The following PTPRD variants were observed in gnomAD, a reference collection of about 807,000 sequenced individuals.
The protein encoded by PTPRD is protein tyrosine phosphatase receptor type D, also known as receptor-type tyrosine-protein phosphatase delta.
A neutral mutation model predicts 214.5 loss-of-function variants in PTPRD; 34 were observed. The ratio of observed to expected loss-of-function variants is 0.16; its 90% CI spans 0.12 to 0.21. The LOEUF (loss-of-function observed/expected upper bound fraction) is 0.21, where lower values mean the gene tolerates loss of function less well. Among genes scored for constraint, PTPRD ranks in the 10% least tolerant of loss-of-function variants. The probability of loss-of-function intolerance (pLI) is 1.00; values close to 1 mark genes in which losing one functional copy is unlikely to be tolerated. For synonymous variants in PTPRD, 1,128 were observed against 845.7 expected, an observed-to-expected ratio of 1.33 and a Z score of -5.79; for missense variants, 2,545 against 2,398.7, an observed-to-expected ratio of 1.06 and a Z score of -1.27.
chr9:9,563,184 G>A (rs1375377775), intron 8 of PTPRD, among the ~76,000 whole-genome samples: 1 of 152,130 alleles, frequency 6.6e-6, no homozygotes, highest in Non-Finnish European at 1.5e-5. Flanking sequence ...GCAAGGGGTG[G>A]TCAAGATATA....
chr9:8,712,339 T>C (rs1284201572), intron 12 of PTPRD, among the ~76,000 whole-genome samples: 1 of 152,236 alleles, frequency 6.6e-6, no homozygotes, highest in African/African-American at 2.4e-5. Flanking sequence ...ATATTTAGCT[T>C]ACTGTTTATC....
chr9:9,940,262 G>C (rs763242506), intron 4 of PTPRD, among the ~76,000 whole-genome samples: 4 of 152,038 alleles, frequency 2.6e-5, no homozygotes, highest in Non-Finnish European at 5.9e-5. Context: ...ACAGATGGAA[G>C]TCTGAGGATA....
At chr9:10,505,368 C>T (rs2045569128) in intron 2 of PTPRD, among the ~76,000 whole-genome samples, 1 of 152,128 alleles carries the variant, frequency 6.6e-6, no homozygotes, top group African/African-American at 2.4e-5. Context: ...CATGAAAGAG[C>T]TGCATAAAAC....
intron 9 of PTPRD, among the ~76,000 whole-genome samples, chr9:9,286,524 T>C (rs1949421071): frequency 6.6e-6 from 1 of 151,796 alleles, no homozygotes; most frequent in Non-Finnish European, 1.5e-5. Flanking sequence ...TTGAACACAT[T>C]ACTTCCTTTG....
intron 3 of PTPRD, among the ~76,000 whole-genome samples, chr9:10,097,839 A>T (rs1459635832): frequency 1.3e-5 from 2 of 151,820 alleles, no homozygotes; most frequent in Non-Finnish European, 2.9e-5. Context: ...GAATGCTTCC[A>T]GCTTTTGTCC....
intron 3 of PTPRD, among the ~76,000 whole-genome samples, chr9:10,081,387 G>A (rs10116268): frequency 0.44 from 66,993 of 151,856 alleles, 16,587 homozygotes; most frequent in African/African-American, 0.68. Context: ...CTCCAATTTT[G>A]TATGTTGATA....
rs373371003 is a variant in PTPRD at position 8,554,304 on chromosome 9, T to A, written c.353-25525A>T. ...CTGAGTTATGAGGAAGAGAAATAAA[T>A]CTGATATTGCTAGAAATAGAAAAAA... is the stretch of plus-strand genomic sequence containing the variant. On this transcript the variant is annotated intron_variant, in intron 14 of 45. Coordinates refer to ENST00000381196, the MANE Select transcript of PTPRD (RefSeq NM_002839.4). Among the ~76,000 whole-genome samples the A allele has an allele frequency of 2.8e-4, 43 of 152,274 alleles. No homozygotes were observed. In the South Asian group the frequency reaches 8.3e-3, roughly 29 times the overall value.
intron 11 of PTPRD, among the ~76,000 whole-genome samples, chr9:8,894,673 C>T (rs889779985): frequency 2.0e-5 from 3 of 152,018 alleles, no homozygotes; most frequent in African/African-American, 4.8e-5. Flanking sequence ...GTAAACTGAA[C>T]GTATGCTATA....
intron 10 of PTPRD, among the ~76,000 whole-genome samples, chr9:9,162,874 G>A (rs929149550): frequency 6.6e-6 from 1 of 151,952 alleles, no homozygotes; most frequent in Non-Finnish European, 1.5e-5. Flanking sequence ...GGTTATCCAA[G>A]CTTACATGTT....
intron 11 of PTPRD, among the ~76,000 whole-genome samples, chr9:8,754,242 G>A (rs950534265): frequency 6.6e-6 from 1 of 152,128 alleles, no homozygotes; most frequent in African/African-American, 2.4e-5. Context: ...CTATTCTTGT[G>A]AAATAGAAAA....
At chr9:10,113,168 G>A (rs1488152336) in intron 3 of PTPRD, among the ~76,000 whole-genome samples, 1 of 152,188 alleles carries the variant, frequency 6.6e-6, no homozygotes, top group African/African-American at 2.4e-5. Context: ...ATTACAAAGA[G>A]TTTTATGGGG....
At chr9:9,115,805 A>C (rs1245325931) in intron 10 of PTPRD, among the ~76,000 whole-genome samples, 1 of 152,164 alleles carries the variant, frequency 6.6e-6, no homozygotes, top group Non-Finnish European at 1.5e-5. Context: ...TCAGAATAGC[A>C]AAGTCATGGA....
intron 5 of PTPRD, among the ~76,000 whole-genome samples, chr9:9,826,563 T>C (rs1055761513): frequency 4.6e-5 from 7 of 152,150 alleles, no homozygotes; most frequent in Admixed American, 3.3e-4. Flanking sequence ...ATAGCCATTA[T>C]TGATTATAAA....
At chr9:10,177,763 C>T (rs1278578017) in intron 3 of PTPRD, among the ~76,000 whole-genome samples, 1 of 151,880 alleles carries the variant, frequency 6.6e-6, no homozygotes, top group Non-Finnish European at 1.5e-5. Flanking sequence ...CTTCTCTTAG[C>T]TCTGCCTATG....
intron 12 of PTPRD, among the ~76,000 whole-genome samples, chr9:8,728,839 G>T (rs1413765897): frequency 1.3e-5 from 2 of 152,050 alleles, no homozygotes; most frequent in Non-Finnish European, 2.9e-5. Context: ...AATTAGCCGG[G>T]CATGGTGGCA....
intron 3 of PTPRD, among the ~76,000 whole-genome samples, chr9:10,215,013 T>C (rs529325913): frequency 2.6e-5 from 4 of 152,066 alleles, no homozygotes; most frequent in Admixed American, 2.0e-4. Flanking sequence ...GAATCTTACA[T>C]TGGACAATGA....
intron 5 of PTPRD, among the ~76,000 whole-genome samples, chr9:9,937,342 T>C (rs1490131842): frequency 1.4e-5 from 2 of 147,386 alleles, no homozygotes; most frequent in African/African-American, 4.9e-5. Flanking sequence ...ATCCAATTTC[T>C]AAAATTTAAA....
At chr9:10,129,667 T>A (rs1398712683) in intron 3 of PTPRD, among the ~76,000 whole-genome samples, 2 of 152,084 alleles carry the variant, frequency 1.3e-5, no homozygotes, top group African/African-American at 4.8e-5. Context: ...TTCCCATGGT[T>A]TCTTGGTCAG....
At chr9:8,420,949 G>C (rs2131574623) in intron 35 of PTPRD, among the ~76,000 whole-genome samples, 1 of 152,138 alleles carries the variant, frequency 6.6e-6, no homozygotes, top group South Asian at 2.1e-4. Context: ...CAGGGAGCTT[G>C]ATGTCCTGCA....
Sources: gnomAD v4.1 joint callset for allele counts (sites outside exome capture counted in the v4.1 genomes callset) on GRCh38, gnomAD v4.1.1 for gene constraint, MANE v1.5 for transcripts, NCBI Gene and HGNC (gene_info 2026-07-23, HGNC 2026-07-21) for gene names.